Variants in ATP10D observed in about 807,000 individuals in gnomAD.
The protein encoded by ATP10D is phospholipid-transporting ATPase VD.
A neutral mutation model predicts 144.8 loss-of-function variants in ATP10D; 89 were observed. The ratio of observed to expected loss-of-function variants is 0.61; its 90% CI spans 0.52 to 0.73. The LOEUF is 0.73. Ranked by LOEUF, ATP10D falls within the 30% of genes least tolerant of loss-of-function variation. ATP10D has a pLI of 0.00. For missense variants in ATP10D, 1,603 were observed against 1,714.8 expected (o/e 0.93, Z 1.15); for synonymous variants, 571 against 615.1 (o/e 0.93, Z 1.06).
At chr4:47,588,601 T>C (rs964174074) in intron 22 of ATP10D, among the ~76,000 whole-genome samples, 2 of 152,206 alleles carry the variant, frequency 1.3e-5, no homozygotes, top group African/African-American at 4.8e-5. Context: ...CTCTGATCTG[T>C]AGCTGTATCA....
At chr4:47,586,188 T>A (rs1720781123) in intron 21 of ATP10D, among the ~76,000 whole-genome samples, 1 of 152,228 alleles carries the variant, frequency 6.6e-6, no homozygotes, top group African/African-American at 2.4e-5. Flanking sequence ...TACAAGCCAT[T>A]TTAACTGGGG....
chr4:47,510,920 A>C (rs1716291140), intron 1 of ATP10D, among the ~76,000 whole-genome samples: 1 of 152,252 alleles, frequency 6.6e-6, no homozygotes, highest in East Asian at 1.9e-4. Flanking sequence ...CACATTTGTC[A>C]TAATGGTAAC....
chr4:47,561,639 T>G (rs905488323), intron 14 of ATP10D, among the ~76,000 whole-genome samples: 1 of 152,194 alleles, frequency 6.6e-6, no homozygotes, highest in Non-Finnish European at 1.5e-5. Context: ...CTTCTCTTCC[T>G]GATTTCAACT....
At position 47,580,248 on chromosome 4, in the gene ATP10D, G is replaced by A. The variant is rs1043192666; in HGVS notation, c.3568-150G>A. ...TTTACTTGTGAACCCATCACATTCA[G>A]TTACCCTTATCTTTACCTCTGTTGA... is the stretch of plus-strand genomic sequence containing the variant. On this transcript the variant is annotated intron_variant, in intron 19 of 22. Coordinates refer to ENST00000273859, the MANE Select transcript of ATP10D (RefSeq NM_020453.4). The A allele has an allele frequency of 8.8e-6, 6 of 681,844 alleles. No homozygotes were observed. The East Asian group carries it at 1.5e-4, about 17-fold the overall frequency. The allele number at this position is 681,844 out of a possible 1,614,324, so 42.2% of individuals were successfully genotyped here.
At chr4:47,576,278 T>A (rs1463337598) in intron 18 of ATP10D, among the ~76,000 whole-genome samples, 4 of 152,092 alleles carry the variant, frequency 2.6e-5, no homozygotes, top group Non-Finnish European at 5.9e-5. Context: ...AGGTACCACC[T>A]CCTAACACTG....
chr4:47,507,171 T>C (rs1716059821), intron 1 of ATP10D, among the ~76,000 whole-genome samples: 1 of 152,206 alleles, frequency 6.6e-6, no homozygotes, highest in Non-Finnish European at 1.5e-5. Context: ...TCAGCTAATA[T>C]TTATGAATAA....
At chr4:47,524,733 A>G (rs1717145233) in intron 4 of ATP10D, among the ~76,000 whole-genome samples, 1 of 152,210 alleles carries the variant, frequency 6.6e-6, no homozygotes, top group Non-Finnish European at 1.5e-5. Context: ...CAATTATTTT[A>G]GTACCTACCT....
intron 1 of ATP10D, among the ~76,000 whole-genome samples, chr4:47,489,448 T>A (rs1272501550): frequency 2.6e-5 from 4 of 152,156 alleles, no homozygotes; most frequent in Non-Finnish European, 2.9e-5. Flanking sequence ...AACCAAAGAT[T>A]AATAGTATTT....
intron 9 of ATP10D, among the ~76,000 whole-genome samples, chr4:47,545,942 G>A (rs1718398510): frequency 6.6e-6 from 1 of 152,136 alleles, no homozygotes; most frequent in Non-Finnish European, 1.5e-5. Context: ...AGAGAAGGAA[G>A]GTGCTTCTGC....
intron 1 of ATP10D, among the ~76,000 whole-genome samples, chr4:47,488,612 C>CAAAAAA (rs56859197): frequency 5.0e-4 from 46 of 91,270 alleles, no homozygotes; most frequent in Admixed American, 6.1e-4. Context: ...ATATAATAAG[C>CAAAAAA]AAAAAAAAAA....
chr4:47,524,533 G>T (rs1717134143), intron 4 of ATP10D, among the ~76,000 whole-genome samples: 1 of 152,170 alleles, frequency 6.6e-6, no homozygotes, highest in South Asian at 2.1e-4. Flanking sequence ...ATTAATATTT[G>T]CATTAAAAGT....
At chr4:47,530,543 A>G (rs535074021) in intron 5 of ATP10D, among the ~76,000 whole-genome samples, 1 of 151,844 alleles carries the variant, frequency 6.6e-6, no homozygotes, top group African/African-American at 2.4e-5. Context: ...TGCAACCTCC[A>G]CCTCCTGGTT....
chr4:47,553,334 A>T (rs559517279), intron 10 of ATP10D, among the ~76,000 whole-genome samples: 7 of 152,220 alleles, frequency 4.6e-5, no homozygotes, highest in African/African-American at 1.7e-4. Flanking sequence ...AATGGCTATG[A>T]ACTCCATCAA....
chr4:47,580,528 T>C, intron 20 of ATP10D, 50 bp downstream of exon 20: 1 of 1,518,948 alleles, frequency 6.6e-7, no homozygotes, highest in Non-Finnish European at 9.1e-7. Context: ...TCAATGATGC[T>C]TCTTTGTACT....
In ATP10D at chr4:47,567,160, A is replaced by T. The variant is rs578221307; in HGVS notation, c.2854-1677A>T. Among the ~76,000 whole-genome samples, 3 of 152,342 alleles carry T rather than the reference A, an allele frequency of 2.0e-5. No individual in the cohort carries two copies. In the South Asian group the frequency reaches 6.2e-4, roughly 32 times the overall value. ...GTCACTCTATGCATGTGACACTCAAATGTCACTCTATGACATGTAACCACA... is the reference window on the plus strand; with the variant it reads ...GTCACTCTATGCATGTGACACTCAATTGTCACTCTATGACATGTAACCACA... On this transcript the variant is annotated intron_variant, in intron 15 of 22. Coordinates refer to ENST00000273859, the MANE Select transcript of ATP10D (RefSeq NM_020453.4).
chr4:47,535,406 G>C, intron 5 of ATP10D, 103 bp from the exon 6 acceptor site: 1 of 797,406 alleles, frequency 1.3e-6, no homozygotes, highest in Non-Finnish European at 1.9e-6. Context: ...CTTGTGAAAT[G>C]CCTTTTTACT....
At chr4:47,489,623 T>C (rs1368115377) in intron 1 of ATP10D, among the ~76,000 whole-genome samples, 3 of 152,222 alleles carry the variant, frequency 2.0e-5, no homozygotes, top group Non-Finnish European at 4.4e-5. Context: ...TGATATTATA[T>C]ATCCCCTCTT....
chr4:47,569,670 TA>T (rs371471602), intron 16 of ATP10D, among the ~76,000 whole-genome samples: 1 of 152,270 alleles, frequency 6.6e-6, no homozygotes, highest in African/African-American at 2.4e-5. Flanking sequence ...ATCTGTAAGG[TA>T]TCAGGTAGTG....
chr4:47,486,497 C>G (rs1714764703), intron 1 of ATP10D, among the ~76,000 whole-genome samples: 1 of 152,198 alleles, frequency 6.6e-6, no homozygotes, highest in Non-Finnish European at 1.5e-5. Flanking sequence ...TTGTATCAGC[C>G]TTTAAATCAT....
Sources: allele counts gnomAD v4.1 joint callset (sites outside exome capture counted in the v4.1 genomes callset), GRCh38; gene constraint gnomAD v4.1.1; transcripts MANE v1.5; gene names NCBI Gene and HGNC (gene_info 2026-07-23, HGNC 2026-07-21).